Variants in SELENOS observed in about 807,000 individuals in gnomAD.
SELENOS encodes the protein selenoprotein S.
In SELENOS, 37 loss-of-function variants were observed where a neutral mutation model predicts 30.2. The observed-to-expected ratio is 1.23, with a 90% CI of 0.94 to 1.61. The LOEUF (loss-of-function observed/expected upper bound fraction) is 1.61. SELENOS is among the 40% of genes most tolerant of loss of function. The pLI, the probability that SELENOS is intolerant of heterozygous loss-of-function variation, is 0.00. For synonymous variants in SELENOS, 119 were observed against 91.6 expected, an observed-to-expected ratio of 1.30 and a Z score of -1.71; for missense variants, 289 against 231.8, an observed-to-expected ratio of 1.25 and a Z score of -1.60.
Position 101,274,643 on chromosome 15 carries a change from C to T in SELENOS, c.357G>A (p.Trp119Ter). Residue 119 changes from tryptophan to a stop codon, truncating the protein, a stop_gained, in exon 4 of 6, where the codon TGG (tryptophan) becomes TGA (stop). Coordinates refer to ENST00000526049, the MANE Select transcript of SELENOS (RefSeq NM_018445.6). LOFTEE classifies it high-confidence loss of function. ...EEKRRQKIEM[W>*]DSMQEGKSYK... ...AACTTTTTCCTTCTTGCATGCTGTC[C>T]CACATTTCAATCTTCTGTCTCCTTT... The T allele has an allele frequency of 4.3e-6, 7 of 1,613,502 alleles. No homozygotes were observed. The highest frequency in any genetic ancestry group is 5.9e-6 in the Non-Finnish European group (7 of 1,179,794).
Position 101,272,616 on chromosome 15 carries a change from T to G in SELENOS, c.*155A>C, listed in dbSNP as rs1362833598. 6 of 690,686 alleles carry G rather than the reference T, an allele frequency of 8.7e-6. No homozygotes were observed. The highest frequency in any genetic ancestry group is 1.5e-5 in the Non-Finnish European group (6 of 402,602). 42.8% of individuals were successfully genotyped at this position (690,686 alleles called of 1,614,324 possible). On this transcript the variant is annotated 3_prime_UTR_variant, in exon 6 of 6. Transcript: ENST00000526049. The stretch of plus-strand genomic sequence containing the variant: ...GCCTAGAGGCAACATCTATACCTTT[T>G]GCTGACTGGAGCCCTGACATATGCA...
Position 101,275,311 on chromosome 15 carries a change from T to C in SELENOS, c.262A>G (p.Lys88Glu). The C allele has an allele frequency of 6.3e-7, 1 of 1,583,132 alleles. No homozygotes were observed. The highest frequency in any genetic ancestry group is 1.3e-5 in the African/African-American group (1 of 74,600). Residue 88 changes from lysine (K) to glutamate (E), a missense_variant, in exon 3 of 6, where the codon AAA (lysine) becomes GAA (glutamate). By Grantham distance (56) the Lys-to-Glu change is moderately conservative. Coordinates refer to ENST00000526049, the MANE Select transcript of SELENOS (RefSeq NM_018445.6). The part of the protein sequence containing the change: ...RQEALAAARL[K>E]MQEELNAQVE... The stretch of plus-strand genomic sequence containing the variant: ...TGCGCATTTAGTTCTTCTTGCATTT[T>C]CAGTCGAGCAGCTGCTAAAGCTTCT...
In SELENOS at chr15:101,274,572, C is replaced by T. The variant is rs117124675; in HGVS notation, c.408+20G>A. The T allele has an allele frequency of 7.0e-3, 11,214 of 1,612,398 alleles. 66 individuals are homozygous for T. Among genetic ancestry groups the T allele is most frequent in the Middle Eastern group, 7.8e-3 (47 of 6,062 alleles). ...CAATCTTCATCTACCGCATGCCAGC[C>T]GGCCGAGGTCTCCAGTCACCTGGGG... On this transcript the variant is annotated intron_variant, in intron 4 of 5. Coordinates refer to ENST00000526049, the MANE Select transcript of SELENOS (RefSeq NM_018445.6).
chr15:101,272,427 G>C lies in SELENOS; in HGVS notation c.*344C>G, dbSNP rs773214316. 1 of 206,270 alleles carries C rather than the reference G, an allele frequency of 4.8e-6. No individual in the cohort carries two copies. The highest frequency in any genetic ancestry group is 9.9e-6 in the Non-Finnish European group (1 of 101,020). The allele number at this position is 206,270 out of a possible 1,614,324, so 12.8% of individuals were successfully genotyped here. ...ATCATTCAACGCAACCTGTCACAGA[G>C]ACTGTCCTAGCAGCAAGGATTTCTA... On this transcript the variant is annotated 3_prime_UTR_variant, in exon 6 of 6. Coordinates refer to ENST00000526049, the MANE Select transcript of SELENOS (RefSeq NM_018445.6).
chr15:101,275,952 C>T (rs1161212932), intron 2 of SELENOS, among the ~76,000 whole-genome samples: 1 of 151,178 alleles, frequency 6.6e-6, no homozygotes, highest in African/African-American at 2.4e-5. Context: ...AAGACAGTCT[C>T]ACTCTGTTGC....
intron 5 of SELENOS, among the ~76,000 whole-genome samples, 153 bp from the exon 6 acceptor site, chr15:101,273,009 A>G (rs55877664): frequency 0.014 from 1,911 of 138,484 alleles, 45 homozygotes; most frequent in African/African-American, 0.047. Context: ...TAGCTATGTG[A>G]AAAAAAAAAA....
Position 101,277,394 on chromosome 15 carries a change from C to T in SELENOS, c.24G>A (p.Leu8=). ...CGGTCTCCAGGGCCGGCCGCGCGGA[C>T]AGAGACTCCTCTTGGCGTTCCATGA... MERQEES[L]SARPALETEG... Residue 8 remains leucine (L), a synonymous_variant, in exon 1 of 6, where the codon CTG becomes CTA. Coordinates refer to ENST00000526049, the MANE Select transcript of SELENOS (RefSeq NM_018445.6). 2 of 1,503,184 alleles carry T rather than the reference C, an allele frequency of 1.3e-6. No individual in the cohort carries two copies. Among genetic ancestry groups the T allele is most frequent in the South Asian group, 2.5e-5 (2 of 80,704 alleles). The allele number at this position is 1,503,184 out of a possible 1,614,324, so 93.1% of individuals were successfully genotyped here.
intron 5 of SELENOS, 152 bp downstream of exon 5, chr15:101,274,268 T>C (rs2039298824): frequency 2.4e-6 from 2 of 847,298 alleles, no homozygotes; most frequent in Non-Finnish European, 3.8e-6. Flanking sequence ...ACCTAGGAGG[T>C]GATTTGCATC....
chr15:101,274,864 T>G, intron 3 of SELENOS, 183 bp from the exon 4 acceptor site: 1 of 681,916 alleles, frequency 1.5e-6, no homozygotes, highest in South Asian at 2.0e-5. Flanking sequence ...GCAGCTTTGG[T>G]TTTTGTACAC....
intron 2 of SELENOS, 85 bp downstream of exon 2, chr15:101,276,456 C>T: frequency 5.7e-6 from 8 of 1,408,072 alleles, no homozygotes; most frequent in Non-Finnish European, 7.5e-6. Context: ...TCCTGTGTGG[C>T]CCCTCTTACT....
At chr15:101,272,877 C>G in intron 5 of SELENOS, 21 bp from the exon 6 acceptor site, 1 of 1,588,532 alleles carries the variant, frequency 6.3e-7, no homozygotes, top group Non-Finnish European at 8.6e-7. Flanking sequence ...AGAAAAGCAG[C>G]ACAACAGTAT....
At chr15:101,277,291 T>C (rs1408466341) in intron 1 of SELENOS, 51 bp downstream of exon 1, 1 of 1,513,404 alleles carries the variant, frequency 6.6e-7, no homozygotes, top group South Asian at 1.2e-5. Context: ...CCATCATGGC[T>C]GCGCGTCGCA....
At position 101,272,686 on chromosome 15, in the gene SELENOS, T is replaced by A. The variant is rs899061824; in HGVS notation, c.*85A>T. On this transcript the variant is annotated 3_prime_UTR_variant, in exon 6 of 6. Transcript: ENST00000526049. Reference sequence around the variant, plus strand: ...ATCAACCCCACCTCCCCTTGGCTAGTCACTGTGAAAAGCGTGCGTAAGGCA... The same window carrying A: ...ATCAACCCCACCTCCCCTTGGCTAGACACTGTGAAAAGCGTGCGTAAGGCA... 1.2e-5 allele frequency: 17 copies of A among 1,394,362 alleles called. No individual in the cohort carries two copies. The highest frequency in any genetic ancestry group is 8.0e-5 in the Admixed American group (4 of 50,224). The allele number at this position is 1,394,362 out of a possible 1,614,324, so 86.4% of individuals were successfully genotyped here.
At position 101,277,226 on chromosome 15, in the gene SELENOS, G is replaced by A. The variant is rs530073785; in HGVS notation, c.76+116C>T. ...AAGGTCCGCGTAAGCGCCAACGCCC[G>A]ACCGTTCCCAGGCCTCCCAGGCTCC... is the stretch of plus-strand genomic sequence containing the variant. On this transcript the variant is annotated intron_variant, in intron 1 of 5. Transcript: ENST00000526049. 2.8e-4 allele frequency: 424 copies of A among 1,496,064 alleles called. 1 individual carries two copies. The highest frequency in any genetic ancestry group is 3.7e-4 in the Non-Finnish European group (411 of 1,113,066). The allele number at this position is 1,496,064 out of a possible 1,614,324, so 92.7% of individuals were successfully genotyped here. A position where few individuals can be genotyped will look rare whatever the true frequency, so the allele number is the denominator to read the frequency against.
rs200236506 is a variant in SELENOS at position 101,274,486 on chromosome 15, T to C, written c.418A>G (p.Ser140Gly). Reference protein sequence around the residue: ...GNAKKPQEEDSPGPSTSSVLK... With the variant: ...GNAKKPQEEDGPGPSTSSVLK... ...ACAGATGAAGTGGAAGGCCCAGGAC[T>C]GTCTTCCTCCTGTTTGAACACACAC... Residue 140 changes from serine (S) to glycine (G), a missense_variant, in exon 5 of 6, where the codon AGT becomes GGT. By Grantham distance (56) the Ser-to-Gly change is moderately conservative. Coordinates refer to ENST00000526049, the MANE Select transcript of SELENOS (RefSeq NM_018445.6). 3.0e-4 allele frequency: 480 copies of C among 1,608,770 alleles called. 1 individual carries two copies. The East Asian group carries it at 8.6e-3, about 29-fold the overall frequency.
chr15:101,276,794 G>C, intron 1 of SELENOS, 119 bp from the exon 2 acceptor site: 1 of 1,228,842 alleles, frequency 8.1e-7, no homozygotes, highest in South Asian at 1.6e-5. Flanking sequence ...TCTAGGCTGA[G>C]GAAAAAGCCT....
rs146114617 is a variant in SELENOS, at chr15:101,276,524, G to C, written c.211+17C>G. On this transcript the variant is annotated intron_variant, in intron 2 of 5. Coordinates refer to ENST00000526049, the MANE Select transcript of SELENOS (RefSeq NM_018445.6). ...GGTGCAAAACCACCGCTTTCATTTC[G>C]GTTATCAGGCACTAACCCACAGCAG... is the stretch of plus-strand genomic sequence containing the variant. 1 of 1,581,110 alleles carries C rather than the reference G, an allele frequency of 6.3e-7. No homozygotes were observed. The highest frequency in any genetic ancestry group is 2.0e-5 in the Admixed American group (1 of 50,886).
rs978128117 is a variant in SELENOS, at chr15:101,272,590, T to C, written c.*181A>G. ...AAGTAGAATGTGACCAATGACCTCATGCCTAGAGGCAACATCTATACCTTT... is the reference window on the plus strand; with the variant it reads ...AAGTAGAATGTGACCAATGACCTCACGCCTAGAGGCAACATCTATACCTTT... On this transcript the variant is annotated 3_prime_UTR_variant, in exon 6 of 6. Transcript: ENST00000526049. 3 of 579,044 alleles carry C rather than the reference T, an allele frequency of 5.2e-6. No individual in the cohort carries two copies. In the African/African-American group the frequency reaches 5.6e-5, roughly 11 times the overall value. 35.9% of individuals were successfully genotyped at this position (579,044 alleles called of 1,614,324 possible).
chr15:101,275,600 A>G (rs909808826), intron 2 of SELENOS, among the ~76,000 whole-genome samples: 7 of 152,192 alleles, frequency 4.6e-5, no homozygotes, highest in Admixed American at 3.3e-4. Context: ...TCTGTTAGAA[A>G]TGCCAATTTC....
Sources: allele counts gnomAD v4.1 joint callset (sites outside exome capture counted in the v4.1 genomes callset), GRCh38; gene constraint gnomAD v4.1.1; transcripts MANE v1.5; gene names NCBI Gene and HGNC (gene_info 2026-07-23, HGNC 2026-07-21).